CPNE3: variants seen among roughly 807,000 people sequenced by gnomAD.
CPNE3 encodes copine 3.
Under a neutral mutation model 63.9 loss-of-function variants are expected in CPNE3, and 68 were observed. The ratio of observed to expected loss-of-function variants is 1.06; its 90% CI spans 0.87 to 1.30. The LOEUF is 1.30. Ranked by LOEUF, CPNE3 falls within the 50% of genes most tolerant of loss-of-function variation. The probability of loss-of-function intolerance (pLI) is 0.00; values close to 1 mark genes in which losing one functional copy is unlikely to be tolerated. For missense variants in CPNE3, 665 were observed against 578.1 expected (o/e 1.15, Z -1.54); for synonymous variants, 219 against 197.5 (o/e 1.11, Z -0.91).
At chr8:86,529,814 T>C (rs1240277830) in intron 4 of CPNE3, among the ~76,000 whole-genome samples, 1 of 151,414 alleles carries the variant, frequency 6.6e-6, no homozygotes, top group Non-Finnish European at 1.5e-5. Context: ...GGAGGAGTAA[T>C]TTTTTTTTCA....
At chr8:86,521,240 G>T (rs1422190058) in intron 2 of CPNE3, among the ~76,000 whole-genome samples, 2 of 152,124 alleles carry the variant, frequency 1.3e-5, no homozygotes, top group Non-Finnish European at 2.9e-5. Context: ...TGCTTTCTTA[G>T]CCTTAAGTAA....
At chr8:86,518,314 G>A (rs1158588241) in intron 2 of CPNE3, among the ~76,000 whole-genome samples, 1 of 152,188 alleles carries the variant, frequency 6.6e-6, no homozygotes, top group African/African-American at 2.4e-5. Flanking sequence ...CAGAAGGGGG[G>A]AAATTCTTAA....
At chr8:86,547,867 C>G in intron 11 of CPNE3, 97 bp downstream of exon 11, 1 of 716,576 alleles carries the variant, frequency 1.4e-6, no homozygotes, top group Non-Finnish European at 2.4e-6. Flanking sequence ...GAAATTTTCA[C>G]AATCTGTTTA....
At chr8:86,555,163 C>T (rs1285157335) in intron 15 of CPNE3, among the ~76,000 whole-genome samples, 179 bp downstream of exon 15, 1 of 151,418 alleles carries the variant, frequency 6.6e-6, no homozygotes, top group Non-Finnish European at 1.5e-5. Context: ...AAAAATAAGA[C>T]AACAGCAAAA....
At chr8:86,556,433 G>C in intron 16 of CPNE3, 95 bp downstream of exon 16, 2 of 784,672 alleles carry the variant, frequency 2.5e-6, no homozygotes, top group Non-Finnish European at 4.6e-6. Flanking sequence ...TGCAGGGTTA[G>C]AGGATGTGTG....
chr8:86,533,961 ACAAGTTTCCACGTT>A (rs1166227992), intron 6 of CPNE3, among the ~76,000 whole-genome samples: 2 of 152,030 alleles, frequency 1.3e-5, no homozygotes, highest in Non-Finnish European at 2.9e-5. Flanking sequence ...TTTATCCTAC[ACAAGTTTCCACGTT>A]CAAGTTGGGC....
At chr8:86,551,392 G>A in intron 14 of CPNE3, 158 bp downstream of exon 14, 1 of 619,360 alleles carries the variant, frequency 1.6e-6, no homozygotes, top group African/African-American at 1.8e-5. Flanking sequence ...GTTGTATAAG[G>A]TAGAAGAATT....
intron 2 of CPNE3, chr8:86,521,805 A>G (rs1397278623): frequency 1.3e-5 from 2 of 152,184 alleles, no homozygotes; most frequent in East Asian, 3.8e-4. Flanking sequence ...GCTGAAAATT[A>G]TCAACATATT....
chr8:86,560,457 T>G lies in CPNE3; in HGVS notation c.*2047T>G, dbSNP rs1295566981. The G allele has an allele frequency of 6.6e-6, 1 of 152,218 alleles. No homozygotes were observed. Among genetic ancestry groups the G allele is most frequent in the African/African-American group, 2.4e-5 (1 of 41,456 alleles). 9.4% of individuals were successfully genotyped at this position (152,218 alleles called of 1,614,324 possible). ...GCTCCACAGCAGCCCCTGAGTCACC[T>G]GCACAAGGTGCTTGGGAACTGCTGG... On this transcript the variant is annotated 3_prime_UTR_variant, in exon 17 of 17. Transcript: ENST00000517490.
intron 5 of CPNE3, 62 bp from the exon 6 acceptor site, chr8:86,532,447 G>T (rs1457902934): frequency 2.4e-6 from 3 of 1,240,554 alleles, no homozygotes; most frequent in Non-Finnish European, 3.5e-6. Flanking sequence ...ATAAATCAGT[G>T]CTTAAGTGTC....
At chr8:86,528,162 A>T (rs1006012267) in intron 2 of CPNE3, among the ~76,000 whole-genome samples, 3 of 151,630 alleles carry the variant, frequency 2.0e-5, no homozygotes, top group African/African-American at 7.3e-5. Flanking sequence ...CTTGCCCATG[A>T]TGGTCTCAAA....
Position 86,537,584 on chromosome 8 carries a change from C to T in CPNE3, c.481C>T (p.Pro161Ser), listed in dbSNP as rs762311391. ...GTAGGATCTATTTGGAAAGTCAGAC[C>T]CATACCTGGAATTCCACAAGCAGAC... ...DNKDLFGKSDPYLEFHKQTSD... is the reference protein window; with the variant it reads ...DNKDLFGKSDSYLEFHKQTSD... The change falls in exon 7 of 17, where the codon CCA (proline) becomes TCA (serine). Residue 161 changes from proline to serine, a missense_variant. Transcript: ENST00000517490. The T allele has an allele frequency of 2.5e-6, 4 of 1,606,238 alleles. No homozygotes were observed. The highest frequency in any genetic ancestry group is 3.4e-6 in the Non-Finnish European group (4 of 1,173,232).
intron 2 of CPNE3, among the ~76,000 whole-genome samples, chr8:86,526,197 C>T (rs1285537322): frequency 2.0e-5 from 3 of 151,342 alleles, no homozygotes; most frequent in East Asian, 1.9e-4. Context: ...CACTGCAGTA[C>T]AGCCTGGACG....
chr8:86,540,382 C>A, intron 8 of CPNE3, 48 bp downstream of exon 8: 1 of 883,676 alleles, frequency 1.1e-6, no homozygotes, highest in Non-Finnish European at 1.6e-6. Flanking sequence ...TACCCATGTT[C>A]ACCTATTTTA....
At chr8:86,536,658 T>C (rs1313565641) in intron 6 of CPNE3, among the ~76,000 whole-genome samples, 1 of 152,182 alleles carries the variant, frequency 6.6e-6, no homozygotes, top group Admixed American at 6.5e-5. Flanking sequence ...GGGATGTATC[T>C]GCATATATTC....
intron 15 of CPNE3, 108 bp downstream of exon 15, chr8:86,555,092 C>A (rs1348731714): frequency 2.1e-6 from 3 of 1,445,382 alleles, no homozygotes; most frequent in African/African-American, 2.8e-5. Context: ...GGGCAAGATA[C>A]AATAACACAG....
chr8:86,539,520 A>T (rs1018852369), intron 7 of CPNE3, among the ~76,000 whole-genome samples: 4 of 152,138 alleles, frequency 2.6e-5, no homozygotes, highest in African/African-American at 9.7e-5. Flanking sequence ...AAAATTTTAA[A>T]TTATAAATGT....
At chr8:86,528,449 T>A in intron 2 of CPNE3, 87 bp from the exon 3 acceptor site, 1 of 1,473,168 alleles carries the variant, frequency 6.8e-7, no homozygotes, top group Admixed American at 1.9e-5. Context: ...ACAATTGGTC[T>A]TAAGAAGTCA....
intron 7 of CPNE3, among the ~76,000 whole-genome samples, chr8:86,537,917 A>G (rs961744073): frequency 6.6e-6 from 1 of 151,618 alleles, no homozygotes; most frequent in Non-Finnish European, 1.5e-5. Flanking sequence ...ATGAACACAC[A>G]CTCCCACATA....
Sources: allele counts gnomAD v4.1 joint callset (sites outside exome capture counted in the v4.1 genomes callset), GRCh38; gene constraint gnomAD v4.1.1; transcripts MANE v1.5; gene names NCBI Gene and HGNC (gene_info 2026-07-23, HGNC 2026-07-21).